Variants in ZNF48 observed in about 807,000 individuals in gnomAD.
ZNF48 encodes zinc finger protein 553.
A neutral mutation model predicts 40.0 loss-of-function variants in ZNF48; 20 were observed. The ratio of observed to expected loss-of-function variants is 0.50; its 90% confidence interval spans 0.35 to 0.73. The LOEUF is 0.73. Among genes scored for constraint, ZNF48 ranks in the 30% least tolerant of loss-of-function variants. The pLI is 0.01. For synonymous variants in ZNF48, 298 were observed against 329.7 expected, an observed-to-expected ratio of 0.90 and a Z score of 1.04; for missense variants, 726 against 851.9, an observed-to-expected ratio of 0.85 and a Z score of 1.84.
In ZNF48 at chr16:30,379,602, A is replaced by G. The variant is rs940459642; in HGVS notation, c.-16+1192A>G. On this transcript the variant is annotated intron_variant, in intron 1 of 2. Transcript: ENST00000528032. ...AGAAACTTTCTCTTTCCCAGCTTCA[A>G]TCTCCACACCCGCCTCCTCTGCTTC... is the stretch of plus-strand genomic sequence containing the variant. 16 of 1,007,030 alleles carry G rather than the reference A, an allele frequency of 1.6e-5. No individual in the cohort carries two copies. The African/African-American group carries it at 2.5e-4, about 16-fold the overall frequency. 62.4% of individuals were successfully genotyped at this position (1,007,030 alleles called of 1,614,324 possible). A position where few individuals can be genotyped will look rare whatever the true frequency, so the allele number is the denominator to read the frequency against.
upstream of ZNF48, chr16:30,395,072 C>T: frequency 2.8e-6 from 1 of 359,664 alleles, no homozygotes; most frequent in Non-Finnish European, 5.7e-6. This position sits in a 1 kb window ranked among gnomAD's most constrained non-coding sequence, Gnocchi z 5.9. Context: ...GCCTTGGTCT[C>T]TCCCCCACCC....
At chr16:30,380,759 G>A (rs1176987896) in intron 1 of ZNF48, 2 of 279,948 alleles carry the variant, frequency 7.1e-6, no homozygotes, top group Non-Finnish European at 1.4e-5. Context: ...CACAGAGTGA[G>A]ACTCTATCTA....
Position 30,381,988 on chromosome 16 carries a change from G to T in ZNF48, c.-16+3578G>T. 1 of 1,602,836 alleles carries T rather than the reference G, an allele frequency of 6.2e-7. No homozygotes were observed. The highest frequency in any genetic ancestry group is 2.2e-5 in the East Asian group (1 of 44,768). On this transcript the variant is annotated intron_variant, in intron 1 of 2. Transcript: ENST00000528032. The surrounding 1 kb of genome is among the most constrained non-coding windows in gnomAD (Gnocchi z 4.3). ...TGCACCCATTTCCCAGGGGAGGAAA[G>T]TCTCAGAAAAAAAGCAGTCAACTAC...
At position 30,397,646 on chromosome 16, in the gene ZNF48, G is replaced by A. The variant is rs1398106918; in HGVS notation, c.396G>A (p.Arg132=). 7.4e-6 allele frequency: 12 copies of A among 1,613,532 alleles called. No homozygotes were observed. Among genetic ancestry groups the A allele is most frequent in the Non-Finnish European group, 1.0e-5 (12 of 1,179,758 alleles). Residue 132 remains arginine, a synonymous_variant, in exon 3 of 3, where the codon CGG becomes CGA. Coordinates refer to ENST00000613509, the MANE Select transcript of ZNF48 (RefSeq NM_001214909.2). This position sits in a 1 kb window ranked among gnomAD's most constrained non-coding sequence, Gnocchi z 4.1. The stretch of plus-strand genomic sequence containing the variant: ...TGTCAGATCTGGTGAAACACCAGCG[G>A]ACCCACACAGGGGAGAAACCCTACA... ...RQMSDLVKHQ[R]THTGEKPYKC...
At position 30,399,111 on chromosome 16, in the gene ZNF48, G is replaced by A. The variant is rs147068146; in HGVS notation, c.*4G>A. 1.7e-4 allele frequency: 272 copies of A among 1,562,016 alleles called. 1 individual carries two copies. The African/African-American group carries it at 2.9e-3, about 17-fold the overall frequency. Reference sequence around the variant, plus strand: ...GGCAGCAACAGGACTGGAATGACGCGGTCCAGGGAGGGCGGAGGCCCAGGA... The same window carrying A: ...GGCAGCAACAGGACTGGAATGACGCAGTCCAGGGAGGGCGGAGGCCCAGGA... On this transcript the variant is annotated 3_prime_UTR_variant, in exon 3 of 3. Transcript: ENST00000613509.
Position 30,381,831 on chromosome 16 carries a change from T to A in ZNF48, c.-16+3421T>A. Reference sequence around the variant, plus strand: ...GGGTCAGCTTCACTTTCACACCCCCTTCCTCAATCTCTACGCCCCGGCGCT... The same window carrying A: ...GGGTCAGCTTCACTTTCACACCCCCATCCTCAATCTCTACGCCCCGGCGCT... On this transcript the variant is annotated intron_variant, in intron 1 of 2. Transcript: ENST00000528032. This position sits in a 1 kb window ranked among gnomAD's most constrained non-coding sequence, Gnocchi z 4.3. The A allele has an allele frequency of 6.2e-7, 1 of 1,614,140 alleles. No homozygotes were observed. The highest frequency in any genetic ancestry group is 8.5e-7 in the Non-Finnish European group (1 of 1,180,006).
chr16:30,388,843 G>A (rs748242699), intron 1 of ZNF48, among the ~76,000 whole-genome samples: 1 of 152,062 alleles, frequency 6.6e-6, no homozygotes, highest in African/African-American at 2.4e-5. Context: ...GCAGTGAGCC[G>A]AGACTGCGCC....
In ZNF48 at chr16:30,382,563, C is replaced by A. The variant is rs2049866249; in HGVS notation, c.-16+4153C>A. 1 of 1,584,944 alleles carries A rather than the reference C, an allele frequency of 6.3e-7. No individual in the cohort carries two copies. The highest frequency in any genetic ancestry group is 8.6e-7 in the Non-Finnish European group (1 of 1,165,356). ...GCCATCACTGCACCTGCCGTCTCTC[C>A]CCACTTCCTCTGGTGGGGCAGGAAG... On this transcript the variant is annotated intron_variant, in intron 1 of 2. Coordinates refer to the ZNF48 transcript ENST00000528032. This position sits in a 1 kb window ranked among gnomAD's most constrained non-coding sequence, Gnocchi z 4.8.
At chr16:30,391,776 C>T (rs937854814), upstream of ZNF48, among the ~76,000 whole-genome samples, 5 of 147,680 alleles carry the variant, frequency 3.4e-5, no homozygotes, top group East Asian at 2.1e-4. Context: ...GGATTATAGG[C>T]GTGAGCCACT....
upstream of ZNF48, among the ~76,000 whole-genome samples, chr16:30,392,410 C>T (rs140223454): frequency 8.5e-3 from 1,300 of 152,250 alleles, 12 homozygotes; most frequent in Admixed American, 0.013. Context: ...CCTCAGCCTC[C>T]CGAGGTGTTG....
Position 30,398,485 on chromosome 16 carries a change from T to C in ZNF48, c.1235T>C (p.Leu412Pro). The C allele has an allele frequency of 6.5e-7, 1 of 1,541,216 alleles. No homozygotes were observed. Among genetic ancestry groups the C allele is most frequent in the South Asian group, 1.2e-5 (1 of 86,422 alleles). ...PPPPLGTSPPLTPRSPSHSGE... is the reference protein window; with the variant it reads ...PPPPLGTSPPPTPRSPSHSGE... ...CCTCCTCTGGGCACCAGCCCCCCGC[T>C]GACACCTCGAAGTCCCTCACACTCG... is the stretch of plus-strand genomic sequence containing the variant. Residue 412 changes from leucine (L) to proline (P), a missense_variant, in exon 3 of 3, where the codon CTG becomes CCG. This residue lies in a region of ZNF48 where 378 missense variants were observed against 449.1 expected (regional missense o/e 0.84). Coordinates refer to ENST00000613509, the MANE Select transcript of ZNF48 (RefSeq NM_001214909.2). This position sits in a 1 kb window ranked among gnomAD's most constrained non-coding sequence, Gnocchi z 6.6.
intron 1 of ZNF48, among the ~76,000 whole-genome samples, chr16:30,383,957 C>T (rs2049879390): frequency 6.6e-6 from 1 of 152,224 alleles, no homozygotes; most frequent in Non-Finnish European, 1.5e-5. Context: ...TGGCTCACAC[C>T]TGTAATCCCA....
chr16:30,384,942 T>G (rs528665276), intron 1 of ZNF48, among the ~76,000 whole-genome samples: 2 of 151,570 alleles, frequency 1.3e-5, no homozygotes, highest in Admixed American at 1.3e-4. Flanking sequence ...TTTGGGAGGC[T>G]GAGTCAGGCA....
upstream of ZNF48, among the ~76,000 whole-genome samples, chr16:30,393,648 G>A (rs1407083525): frequency 6.6e-6 from 1 of 152,126 alleles, no homozygotes; most frequent in East Asian, 1.9e-4. Flanking sequence ...GCCTCCCAAA[G>A]TGTTGGGATT....
chr16:30,381,003 G>A lies in ZNF48; in HGVS notation c.-16+2593G>A, dbSNP rs1311367603. 1.2e-5 allele frequency: 10 copies of A among 826,230 alleles called. No individual in the cohort carries two copies. Among genetic ancestry groups the A allele is most frequent in the South Asian group, 3.0e-5 (2 of 65,908 alleles). 51.2% of individuals were successfully genotyped at this position (826,230 alleles called of 1,614,324 possible). A position where few individuals can be genotyped will look rare whatever the true frequency, so the allele number is the denominator to read the frequency against. ...GGCTTACCACCCGCCTTCCTCAGAA[G>A]CTTCTCCTACAATCTAGCCTGATGC... On this transcript the variant is annotated intron_variant, in intron 1 of 2. Coordinates refer to the ZNF48 transcript ENST00000528032. The surrounding 1 kb of genome is among the most constrained non-coding windows in gnomAD (Gnocchi z 4.3).
At position 30,379,048 on chromosome 16, in the gene ZNF48, C is replaced by T. The variant is rs199791904; in HGVS notation, c.-16+638C>T. On this transcript the variant is annotated intron_variant, in intron 1 of 2. Coordinates refer to the ZNF48 transcript ENST00000528032. ...GCTGGCTCGATCGCGAGCCCCAGGC[C>T]GGGCCAGGCTCTGTAGGCAGCGGGC... 9.1e-4 allele frequency: 1,461 copies of T among 1,613,606 alleles called. 9 individuals carry two copies. In the East Asian group the frequency reaches 9.5e-3, roughly 10 times the overall value.
At position 30,398,658 on chromosome 16, in the gene ZNF48, C is replaced by T. The variant is rs780114225; in HGVS notation, c.1408C>T (p.His470Tyr). 5 of 1,613,630 alleles carry T rather than the reference C, an allele frequency of 3.1e-6. No individual in the cohort carries two copies. In the Admixed American group the frequency reaches 6.7e-5, roughly 22 times the overall value. The stretch of plus-strand genomic sequence containing the variant: ...CCGAAGCTCTGACCTGGTGAAACAC[C>T]ATCGTGTGCACACAGGGGAGAAACC... Reference protein sequence around the residue: ...FRRSSDLVKHHRVHTGEKPYL... With the variant: ...FRRSSDLVKHYRVHTGEKPYL... The change falls in exon 3 of 3, where the codon CAT (histidine) becomes TAT (tyrosine). Residue 470 changes from histidine (H) to tyrosine (Y), a missense_variant. Physicochemically the swap from His to Tyr is moderately conservative, Grantham distance 83. Around this residue, in one of 5 missense-constraint regions of ZNF48, gnomAD observed 25 missense variants for 51.5 expected, o/e 0.49. Coordinates refer to ENST00000613509, the MANE Select transcript of ZNF48 (RefSeq NM_001214909.2). This position sits in a 1 kb window ranked among gnomAD's most constrained non-coding sequence, Gnocchi z 6.6.
chr16:30,395,877 A>G lies in ZNF48; in HGVS notation c.79+4A>G, dbSNP rs745561368. 26 of 1,532,734 alleles carry G rather than the reference A, an allele frequency of 1.7e-5. No individual in the cohort carries two copies. Among genetic ancestry groups the G allele is most frequent in the Non-Finnish European group, 2.2e-5 (25 of 1,143,382 alleles). 94.9% of individuals were successfully genotyped at this position (1,532,734 alleles called of 1,614,324 possible). A position where few individuals can be genotyped will look rare whatever the true frequency, so the allele number is the denominator to read the frequency against. On this transcript the variant is annotated splice_donor_region_variant and intron_variant, in intron 2 of 2. Transcript: ENST00000613509. The surrounding 1 kb of genome is among the most constrained non-coding windows in gnomAD (Gnocchi z 5.9). ...CCACAGAGAGGCGCCCGCACAGGTG[A>G]GGGCCTCGGCCGTGCGCCGCCACGG...
rs753788660 is a variant in ZNF48, at chr16:30,398,947, CGG to C, written c.1701_1702del (p.Lys569AlafsTer13). The C allele has an allele frequency of 6.2e-7, 1 of 1,613,822 alleles. No individual in the cohort carries two copies. The highest frequency in any genetic ancestry group is 8.5e-7 in the Non-Finnish European group (1 of 1,179,948). On this transcript the variant is annotated frameshift_variant, in exon 3 of 3. Transcript: ENST00000613509. LOFTEE classifies it high-confidence loss of function. The surrounding 1 kb of genome is among the most constrained non-coding windows in gnomAD (Gnocchi z 6.6). ...CTGGTCAAACACAGGCGTACACACACGGGGGAGAAGCCATACAAGTGTGCAGA... is the reference window on the plus strand; with the variant it reads ...CTGGTCAAACACAGGCGTACACACACGGGAGAAGCCATACAAGTGTGCAGA...
Sources: gnomAD v4.1 joint callset for allele counts (sites outside exome capture counted in the v4.1 genomes callset) on GRCh38, gnomAD v4.1.1 for gene constraint, gnomAD v4.1.1 regional missense constraint, Gnocchi (gnomAD v3.1) non-coding constraint, MANE v1.5 for transcripts, NCBI Gene and HGNC (gene_info 2026-07-23, HGNC 2026-07-21) for gene names.